Variants in PBRM1 observed in about 807,000 individuals in gnomAD.
The protein encoded by PBRM1 is polybromo 1, also known as protein polybromo-1.
A neutral mutation model predicts 194.5 loss-of-function variants in PBRM1; 27 were observed. That is an observed-to-expected ratio of 0.14 (90% confidence interval 0.10 to 0.19). The LOEUF is 0.19. Among genes scored for constraint, PBRM1 ranks in the 10% least tolerant of loss-of-function variants. The probability of loss-of-function intolerance (pLI) is 1.00; values close to 1 mark genes in which losing one functional copy is unlikely to be tolerated. For synonymous variants in PBRM1, 655 were observed against 693.2 expected (o/e 0.94, Z 0.87); for missense variants, 1,466 against 2,077.2 (o/e 0.71, Z 5.72).
At chr3:52,673,976 G>A (rs1425082797) in intron 2 of PBRM1, among the ~76,000 whole-genome samples, 1 of 149,130 alleles carries the variant, frequency 6.7e-6, no homozygotes, top group Non-Finnish European at 1.5e-5. Context: ...ACTTGAACCT[G>A]GAAGGCAGAG....
intron 13 of PBRM1, among the ~76,000 whole-genome samples, chr3:52,622,808 C>T (rs2095325871): frequency 6.6e-6 from 1 of 152,178 alleles, no homozygotes; most frequent in Admixed American, 6.5e-5. Context: ...ACCACTTTGT[C>T]AAATGCCCTT....
intron 17 of PBRM1, among the ~76,000 whole-genome samples, chr3:52,601,619 G>C (rs1014639644): frequency 5.3e-5 from 8 of 152,072 alleles, no homozygotes; most frequent in African/African-American, 1.2e-4. Context: ...TGCCTGGCTT[G>C]AGGTGCATAA....
At chr3:52,617,699 A>T (rs889802768) in intron 13 of PBRM1, among the ~76,000 whole-genome samples, 161 bp from the exon 16 acceptor site, 2 of 152,228 alleles carry the variant, frequency 1.3e-5, no homozygotes, top group Non-Finnish European at 2.9e-5. Flanking sequence ...TGGAAGTTAT[A>T]AGCAAATATT....
At chr3:52,576,460 T>C in intron 22 of PBRM1, 81 bp downstream of exon 24, 1 of 1,131,504 alleles carries the variant, frequency 8.8e-7, no homozygotes, top group Non-Finnish European at 1.3e-6. Flanking sequence ...ACCTAACACC[T>C]AGAACAGTGC....
intron 17 of PBRM1, among the ~76,000 whole-genome samples, chr3:52,601,378 G>A (rs1295196179): frequency 2.6e-5 from 4 of 152,190 alleles, no homozygotes; most frequent in Admixed American, 2.6e-4. Flanking sequence ...GTTTCAGGAT[G>A]AAACTGTTCC....
intron 17 of PBRM1, among the ~76,000 whole-genome samples, chr3:52,598,786 G>A (rs747839842): frequency 3.3e-5 from 5 of 151,978 alleles, no homozygotes; most frequent in South Asian, 2.1e-4. Context: ...TTTGGGAGGC[G>A]GAAGCAGGCA....
At chr3:52,655,787 C>A (rs2096596490) in intron 5 of PBRM1, among the ~76,000 whole-genome samples, 1 of 152,170 alleles carries the variant, frequency 6.6e-6, no homozygotes, top group Admixed American at 6.5e-5. Context: ...TCAAGACACA[C>A]CTTTAAATAA....
chr3:52,561,300 G>A (rs2153482784), intron 25 of PBRM1, among the ~76,000 whole-genome samples: 1 of 152,278 alleles, frequency 6.6e-6, no homozygotes, highest in East Asian at 1.9e-4. Context: ...GTATAGGCCA[G>A]GACTGACCTA....
intron 3 of PBRM1, among the ~76,000 whole-genome samples, chr3:52,662,850 A>T (rs2096753541): frequency 6.6e-6 from 1 of 151,658 alleles, no homozygotes; most frequent in Non-Finnish European, 1.5e-5. Context: ...AACACCAAAA[A>T]ACCCAAAAAA....
At chr3:52,672,285 C>A (rs2096964649) in intron 2 of PBRM1, among the ~76,000 whole-genome samples, 1 of 152,170 alleles carries the variant, frequency 6.6e-6, no homozygotes, top group Non-Finnish European at 1.5e-5. Flanking sequence ...TGTGATTACA[C>A]TGGACCCACA....
intron 25 of PBRM1, among the ~76,000 whole-genome samples, chr3:52,558,865 C>T (rs2082783380): frequency 6.6e-6 from 1 of 152,106 alleles, no homozygotes; most frequent in African/African-American, 2.4e-5. Flanking sequence ...TTTCCTGATT[C>T]TTTGTACCCA....
At chr3:52,652,098 C>T (rs1433908031) in intron 5 of PBRM1, among the ~76,000 whole-genome samples, 2 of 152,142 alleles carry the variant, frequency 1.3e-5, no homozygotes, top group African/African-American at 4.8e-5. Context: ...AAATTCTAGG[C>T]TGGGGCCGGG....
intron 17 of PBRM1, among the ~76,000 whole-genome samples, chr3:52,590,116 C>T (rs891924210): frequency 2.0e-5 from 3 of 151,924 alleles, no homozygotes; most frequent in African/African-American, 2.4e-5. Context: ...TGAGCCACCG[C>T]GCCCAGATGA....
chr3:52,641,446 C>CAAAAAAAAAAAAAAAAAA (rs386396638), intron 10 of PBRM1, among the ~76,000 whole-genome samples: 9 of 69,944 alleles, frequency 1.3e-4, no homozygotes, highest in East Asian at 4.0e-4. Context: ...GACTCCATCT[C>CAAAAAAAAAAAAAAAAAA]AAAAAAAAAA....
intron 20 of PBRM1, among the ~76,000 whole-genome samples, chr3:52,582,751 C>G (rs189148057): frequency 1.3e-5 from 2 of 152,156 alleles, no homozygotes; most frequent in Admixed American, 1.3e-4. Flanking sequence ...TCTTTCGGAG[C>G]ACCTGTTTGA....
intron 17 of PBRM1, among the ~76,000 whole-genome samples, chr3:52,597,760 G>A (rs1221563011): frequency 2.0e-5 from 3 of 152,042 alleles, no homozygotes; most frequent in African/African-American, 7.2e-5. Flanking sequence ...CTGGAGTGCA[G>A]TAGCACAATC....
intron 2 of PBRM1, 148 bp from the exon 4 acceptor site, chr3:52,668,793 A>AG (rs1034581534): frequency 6.9e-6 from 3 of 433,578 alleles, no homozygotes; most frequent in South Asian, 7.2e-5. Context: ...TAAAAAAAAA[A>AG]AAAAAAGAAA....
At chr3:52,652,979 C>G (rs1369652694) in intron 5 of PBRM1, among the ~76,000 whole-genome samples, 1 of 151,926 alleles carries the variant, frequency 6.6e-6, no homozygotes, top group African/African-American at 2.4e-5. Flanking sequence ...GCCTGTGCAA[C>G]AGAGCAAGAT....
chr3:52,561,067 T>C (rs942385867), intron 25 of PBRM1, among the ~76,000 whole-genome samples: 3 of 152,046 alleles, frequency 2.0e-5, no homozygotes, highest in Non-Finnish European at 2.9e-5. Flanking sequence ...ATTTCTTTAC[T>C]AAGTCCATGT....
Sources: gnomAD v4.1 joint callset for allele counts (sites outside exome capture counted in the v4.1 genomes callset) on GRCh38, gnomAD v4.1.1 for gene constraint, MANE v1.5 for transcripts, NCBI Gene and HGNC (gene_info 2026-07-23, HGNC 2026-07-21) for gene names.